The following PTPRD variants were observed in gnomAD, a reference collection of about 807,000 sequenced individuals.
PTPRD encodes the protein protein tyrosine phosphatase receptor type D.
In PTPRD, 34 loss-of-function variants were observed where a neutral mutation model predicts 214.5. The ratio of observed to expected loss-of-function variants is 0.16; its 90% CI spans 0.12 to 0.21. The LOEUF (loss-of-function observed/expected upper bound fraction) is 0.21, where lower values mean the gene tolerates loss of function less well. PTPRD is among the 10% of genes least tolerant of loss of function. PTPRD has a pLI of 1.00. For missense variants in PTPRD, 2,545 were observed against 2,398.7 expected, an observed-to-expected ratio of 1.06 and a Z score of -1.27; for synonymous variants, 1,128 against 845.7, an observed-to-expected ratio of 1.33 and a Z score of -5.79.
intron 11 of PTPRD, among the ~76,000 whole-genome samples, chr9:8,882,354 GATCCA>G (rs2098453419): frequency 6.6e-6 from 1 of 152,144 alleles, no homozygotes; most frequent in Non-Finnish European, 1.5e-5. Context: ...CAAAATTACA[GATCCA>G]AGCGGTGAAG....
At chr9:9,781,034 G>A (rs1163065250) in intron 5 of PTPRD, among the ~76,000 whole-genome samples, 3 of 152,132 alleles carry the variant, frequency 2.0e-5, no homozygotes, top group African/African-American at 7.2e-5. Context: ...AGGGAGGGTG[G>A]AGACCGAGGA....
At chr9:9,182,806 TA>T (rs1055999050) in intron 10 of PTPRD, among the ~76,000 whole-genome samples, 1 of 152,050 alleles carries the variant, frequency 6.6e-6, no homozygotes, top group Non-Finnish European at 1.5e-5. Context: ...GATTAGACTT[TA>T]AAAAATTCGC....
chr9:9,696,186 T>G (rs904161171), intron 7 of PTPRD, among the ~76,000 whole-genome samples: 1 of 152,166 alleles, frequency 6.6e-6, no homozygotes, highest in Non-Finnish European at 1.5e-5. Flanking sequence ...TAATTTTGAC[T>G]TTTTGAATTT....
At chr9:8,822,422 C>G (rs1460152240) in intron 11 of PTPRD, among the ~76,000 whole-genome samples, 3 of 152,184 alleles carry the variant, frequency 2.0e-5, no homozygotes, top group South Asian at 4.1e-4. Flanking sequence ...AGAAAGTATA[C>G]TTTAAATTGT....
intron 4 of PTPRD, among the ~76,000 whole-genome samples, chr9:9,939,305 T>A (rs1306082603): frequency 6.6e-6 from 1 of 152,146 alleles, no homozygotes; most frequent in African/African-American, 2.4e-5. Flanking sequence ...TGACCTTTAG[T>A]ATTTTAGCCT....
At chr9:9,639,193 G>C (rs78032641) in intron 7 of PTPRD, among the ~76,000 whole-genome samples, 2,577 of 152,168 alleles carry the variant, frequency 0.017, 75 homozygotes, top group African/African-American at 0.059. Context: ...CTAACTTATT[G>C]TGTTAATATT....
chr9:8,741,358 T>A (rs1001438300), intron 11 of PTPRD, among the ~76,000 whole-genome samples: 1 of 152,142 alleles, frequency 6.6e-6, no homozygotes, highest in Non-Finnish European at 1.5e-5. Flanking sequence ...TCTAGTTTTA[T>A]GTGATGCCAG....
chr9:9,244,630 A>T (rs550991439), intron 9 of PTPRD, among the ~76,000 whole-genome samples: 2 of 152,298 alleles, frequency 1.3e-5, no homozygotes, highest in East Asian at 3.9e-4. Flanking sequence ...TTATACAAAA[A>T]TTAATTCAAG....
At chr9:9,773,928 C>G (rs1597401803) in intron 5 of PTPRD, among the ~76,000 whole-genome samples, 3 of 152,048 alleles carry the variant, frequency 2.0e-5, no homozygotes, top group East Asian at 3.9e-4. Flanking sequence ...AATTATTTTT[C>G]CACCATAATA....
At chr9:8,580,009 G>T (rs562937614) in intron 14 of PTPRD, among the ~76,000 whole-genome samples, 2 of 152,102 alleles carry the variant, frequency 1.3e-5, no homozygotes, top group Admixed American at 1.3e-4. Context: ...ATTCATCAGG[G>T]TTTGCAGGGA....
intron 7 of PTPRD, among the ~76,000 whole-genome samples, chr9:9,693,281 A>T (rs2097307708): frequency 6.6e-6 from 1 of 152,048 alleles, no homozygotes; most frequent in South Asian, 2.1e-4. Flanking sequence ...ATCTGGTGAG[A>T]AGTGACTGGG....
chr9:9,416,539 G>T (rs1276229848), intron 8 of PTPRD, among the ~76,000 whole-genome samples: 5 of 152,102 alleles, frequency 3.3e-5, no homozygotes, highest in Non-Finnish European at 7.4e-5. Context: ...CCTTTGTGTG[G>T]CTTTTAAGGC....
intron 37 of PTPRD, 26 bp from the exon 38 acceptor site, chr9:8,376,752 G>C: frequency 2.5e-6 from 4 of 1,610,514 alleles, no homozygotes; most frequent in Non-Finnish European, 3.4e-6. Flanking sequence ...GACACATTCA[G>C]GGCAAATGCT....
At chr9:8,552,668 G>A (rs1278120421) in intron 14 of PTPRD, among the ~76,000 whole-genome samples, 1 of 151,902 alleles carries the variant, frequency 6.6e-6, no homozygotes, top group African/African-American at 2.4e-5. Context: ...CTTCTCTGGG[G>A]TGTTCATGAG....
At chr9:10,454,317 T>C (rs958754321) in intron 2 of PTPRD, among the ~76,000 whole-genome samples, 1 of 151,616 alleles carries the variant, frequency 6.6e-6, no homozygotes, top group African/African-American at 2.4e-5. Context: ...TAAATCCTTA[T>C]ACTGCTGATG....
At chr9:8,413,978 C>G (rs945627538) in intron 35 of PTPRD, among the ~76,000 whole-genome samples, 1 of 152,046 alleles carries the variant, frequency 6.6e-6, no homozygotes, top group Non-Finnish European at 1.5e-5. Flanking sequence ...CACTTGAGAA[C>G]ACTGCTATGG....
chr9:9,222,570 T>C (rs995125767), intron 9 of PTPRD, among the ~76,000 whole-genome samples: 1 of 152,072 alleles, frequency 6.6e-6, no homozygotes, highest in Non-Finnish European at 1.5e-5. Context: ...ACCCTACTTA[T>C]AACTGGCATT....
chr9:9,922,896 T>C (rs191143295), intron 5 of PTPRD, among the ~76,000 whole-genome samples: 1 of 152,130 alleles, frequency 6.6e-6, no homozygotes, highest in African/African-American at 2.4e-5. Flanking sequence ...GACTCCATGC[T>C]GGAGGAAAAT....
chr9:9,149,545 C>T (rs538353104), intron 10 of PTPRD, among the ~76,000 whole-genome samples: 2 of 152,256 alleles, frequency 1.3e-5, no homozygotes, highest in Admixed American at 6.5e-5. Context: ...ACAAAGTTCA[C>T]GGGTTCCCTG....
Sources: gnomAD v4.1 joint callset for allele counts (sites outside exome capture counted in the v4.1 genomes callset) on GRCh38, gnomAD v4.1.1 for gene constraint, MANE v1.5 for transcripts, NCBI Gene and HGNC (gene_info 2026-07-23, HGNC 2026-07-21) for gene names.